Variants in PSMF1 observed in about 807,000 individuals in gnomAD.
PSMF1 encodes proteasome inhibitor PI31 subunit.
A neutral mutation model predicts 29.3 loss-of-function variants in PSMF1; 30 were observed. That is an observed-to-expected ratio of 1.02 (90% confidence interval 0.77 to 1.39). PSMF1 has a LOEUF of 1.39. Among genes scored for constraint, PSMF1 ranks in the 40% most tolerant of loss-of-function variants. The pLI, the probability that PSMF1 is intolerant of heterozygous loss-of-function variation, is 0.00. For synonymous variants in PSMF1, 134 were observed against 139.7 expected (o/e 0.96, Z 0.29); for missense variants, 344 against 357.5 (o/e 0.96, Z 0.31).
chr20:1,122,307 T>C (rs929247499), intron 1 of PSMF1, among the ~76,000 whole-genome samples: 6 of 149,978 alleles, frequency 4.0e-5, no homozygotes, highest in African/African-American at 1.5e-4. Context: ...TTTTTTTTTT[T>C]TTTTTTTTAA....
intron 4 of PSMF1, among the ~76,000 whole-genome samples, chr20:1,136,197 A>G (rs2086303691): frequency 1.3e-5 from 2 of 152,356 alleles, no homozygotes; most frequent in South Asian, 4.1e-4. Flanking sequence ...AAGTGGTTGA[A>G]AAGGTTGAAA....
intron 3 of PSMF1, 46 bp downstream of exon 3, chr20:1,127,554 T>G: frequency 6.9e-7 from 1 of 1,453,524 alleles, no homozygotes; most frequent in East Asian, 2.3e-5. Flanking sequence ...AAGAGAGAAC[T>G]AATGGCAAGA....
chr20:1,113,731 C>T (rs1321201111), upstream of PSMF1, among the ~76,000 whole-genome samples: 4 of 152,096 alleles, frequency 2.6e-5, no homozygotes, highest in Admixed American at 1.3e-4. Flanking sequence ...CTCGCTCTGT[C>T]GCCCAGGTTG....
intron 1 of PSMF1, among the ~76,000 whole-genome samples, chr20:1,121,974 G>A (rs1335472399): frequency 1.3e-5 from 2 of 152,154 alleles, no homozygotes; most frequent in South Asian, 2.1e-4. Context: ...GGAAATCTAA[G>A]GATTATGATG....
chr20:1,162,070 G>A (rs1399832385), intron 4 of PSMF1, among the ~76,000 whole-genome samples: 4 of 152,198 alleles, frequency 2.6e-5, no homozygotes, highest in Non-Finnish European at 5.9e-5. Flanking sequence ...GGGTATTCAT[G>A]TGTCAGGGCT....
intron 4 of PSMF1, among the ~76,000 whole-genome samples, chr20:1,149,974 A>G (rs1366044327): frequency 6.8e-6 from 1 of 147,598 alleles, no homozygotes; most frequent in East Asian, 2.0e-4. Context: ...GTGGTGAGCC[A>G]TGATCACACC....
At chr20:1,138,570 G>A (rs892099833) in intron 4 of PSMF1, among the ~76,000 whole-genome samples, 9 of 148,580 alleles carry the variant, frequency 6.1e-5, no homozygotes, top group East Asian at 2.0e-4. Context: ...TGTTCATCTC[G>A]ATAGAAAAAT....
intron 4 of PSMF1, among the ~76,000 whole-genome samples, chr20:1,144,779 T>A (rs2086427456): frequency 6.6e-6 from 1 of 152,340 alleles, no homozygotes; most frequent in Admixed American, 6.5e-5. Context: ...AGGGCAGGGC[T>A]GTAGGTGTGG....
intron 3 of PSMF1, among the ~76,000 whole-genome samples, chr20:1,133,569 A>ATATATATATGTTTTTTTTTTTTTTTTTT: frequency 1.9e-5 from 1 of 53,288 alleles, no homozygotes. Flanking sequence ...ATATATATAT[A>ATATATATATGTTTTTTTTTTTTTTTTTT]TTTTTTTTTT....
At chr20:1,118,105 C>G (rs1445077536), upstream of PSMF1, 1 of 152,226 alleles carries the variant, frequency 6.6e-6, no homozygotes, top group Non-Finnish European at 1.5e-5. Context: ...ATCTTAGAAG[C>G]CAGACTGCCA....
rs762622706 is a variant in PSMF1, at chr20:1,163,158, G to A, written c.580G>A (p.Gly194Arg). The change falls in exon 5 of 7, where the codon GGG (glycine) becomes AGG (arginine). Residue 194 changes from glycine (G) to arginine (R), a missense_variant. Transcript: ENST00000335877. The surrounding 1 kb of genome is among the most constrained non-coding windows in gnomAD (Gnocchi z 6.1). ...TGATCCCCTGGGCCCGTTTGTTGTC[G>A]GGGGAGAAGACTTAGACCCTTTTGG... is the stretch of plus-strand genomic sequence containing the variant. ...WCDPLGPFVV[G>R]GEDLDPFGPR... 17 of 1,614,008 alleles carry A rather than the reference G, an allele frequency of 1.1e-5. No individual in the cohort carries two copies. The highest frequency in any genetic ancestry group is 3.3e-4 in the Middle Eastern group (2 of 6,072).
intron 4 of PSMF1, among the ~76,000 whole-genome samples, chr20:1,144,089 C>A (rs987273519): frequency 6.6e-6 from 1 of 151,170 alleles, no homozygotes. Flanking sequence ...CTCCGTCCCC[C>A]CCAAAAAAAG....
At position 1,170,017 on chromosome 20, in the gene PSMF1, T is replaced by G. The variant is rs192376956; in HGVS notation, c.*4937T>G. 7.2e-5 allele frequency among the ~76,000 whole-genome samples: 11 copies of G among 152,266 alleles called. No homozygotes were observed. Among genetic ancestry groups the G allele is most frequent in the African/African-American group, 2.4e-4 (10 of 41,548 alleles). On this transcript the variant is annotated 3_prime_UTR_variant, in exon 7 of 7. Transcript: ENST00000335877. ...CACATTAGTACATGCTGGGCCCCAA[T>G]CTAGATCTCAAGGGAACGGCCTTCA...
chr20:1,164,905 G>A lies in PSMF1; in HGVS notation c.765-124G>A. Reference sequence around the variant, plus strand: ...GGTTGTCTGGCTCTTGAGTGCATGTGTTTAAATTCCTCACACCGCCACATC... The same window carrying A: ...GGTTGTCTGGCTCTTGAGTGCATGTATTTAAATTCCTCACACCGCCACATC... On this transcript the variant is annotated intron_variant, in intron 6 of 6. Transcript: ENST00000335877. The surrounding 1 kb of genome is among the most constrained non-coding windows in gnomAD (Gnocchi z 4.1). 1 of 897,910 alleles carries A rather than the reference G, an allele frequency of 1.1e-6. No individual in the cohort carries two copies. Among genetic ancestry groups the A allele is most frequent in the Non-Finnish European group, 1.8e-6 (1 of 551,114 alleles). The allele number at this position is 897,910 out of a possible 1,614,324, so 55.6% of individuals were successfully genotyped here. A position where few individuals can be genotyped will look rare whatever the true frequency, so the allele number is the denominator to read the frequency against.
chr20:1,128,228 C>A (rs1167851246), intron 3 of PSMF1, among the ~76,000 whole-genome samples: 1 of 152,206 alleles, frequency 6.6e-6, no homozygotes, highest in Non-Finnish European at 1.5e-5. Flanking sequence ...TAGAGTGTCA[C>A]ATAGTTGGTA....
At chr20:1,136,641 T>C (rs190055933) in intron 4 of PSMF1, among the ~76,000 whole-genome samples, 1 of 152,354 alleles carries the variant, frequency 6.6e-6, no homozygotes, top group East Asian at 1.9e-4. Context: ...TGATGATGTG[T>C]ATTCCATGCG....
In PSMF1 at chr20:1,165,683, A is replaced by G; in HGVS notation, c.*603A>G. On this transcript the variant is annotated 3_prime_UTR_variant, in exon 7 of 7. Coordinates refer to ENST00000335877, the MANE Select transcript of PSMF1 (RefSeq NM_006814.5). ...CATGAATGGAAATGAGTGACTGGAA[A>G]TCCCATAGGCCACAAGAATGACTTT... is the stretch of plus-strand genomic sequence containing the variant. The G allele has an allele frequency of 1.0e-6, 1 of 998,296 alleles. No homozygotes were observed. The highest frequency in any genetic ancestry group is 5.4e-5 in the Admixed American group (1 of 18,606). 61.8% of individuals were successfully genotyped at this position (998,296 alleles called of 1,614,324 possible).
rs752735794 is a variant in PSMF1, at chr20:1,135,206, G to A, written c.451G>A (p.Val151Ile). Residue 151 changes from valine to isoleucine, a missense_variant, in exon 4 of 7, where the codon GTA (valine) becomes ATA (isoleucine). Physicochemically the swap from Val to Ile is conservative, Grantham distance 29. Coordinates refer to ENST00000335877, the MANE Select transcript of PSMF1 (RefSeq NM_006814.5). The part of the protein sequence containing the change: ...PIHEQWEKAN[V>I]SSPHREFPPA... ...CCATGAGCAGTGGGAAAAGGCTAATGTAAGCAGTCCCCACCGGGAGTTCCC... is the reference window on the plus strand; with the variant it reads ...CCATGAGCAGTGGGAAAAGGCTAATATAAGCAGTCCCCACCGGGAGTTCCC... 5 of 1,614,144 alleles carry A rather than the reference G, an allele frequency of 3.1e-6. No individual in the cohort carries two copies. The highest frequency in any genetic ancestry group is 3.4e-6 in the Non-Finnish European group (4 of 1,180,012).
chr20:1,125,736 G>A (rs2086147497), intron 2 of PSMF1, 86 bp downstream of exon 2: 1 of 1,496,358 alleles, frequency 6.7e-7, no homozygotes, highest in African/African-American at 1.4e-5. Context: ...CGAATCCAGA[G>A]CTTCAATGTT....
Sources: gnomAD v4.1 joint callset for allele counts (sites outside exome capture counted in the v4.1 genomes callset) on GRCh38, gnomAD v4.1.1 for gene constraint, Gnocchi (gnomAD v3.1) non-coding constraint, MANE v1.5 for transcripts, NCBI Gene and HGNC (gene_info 2026-07-23, HGNC 2026-07-21) for gene names.